The following NRG3 variants were observed in gnomAD, a reference collection of about 807,000 sequenced individuals.
NRG3 encodes pro-neuregulin-3, membrane-bound isoform.
In NRG3, 31 loss-of-function variants were observed where a neutral mutation model predicts 66.9. That is an observed-to-expected ratio of 0.46 (90% CI 0.35 to 0.63). NRG3 has a LOEUF of 0.63. NRG3 is among the 20% of genes least tolerant of loss of function. The probability of loss-of-function intolerance (pLI) is 0.00; values close to 1 mark genes in which losing one functional copy is unlikely to be tolerated. For missense variants in NRG3, 910 were observed against 878.9 expected, an observed-to-expected ratio of 1.04 and a Z score of -0.45; for synonymous variants, 393 against 359.4, an observed-to-expected ratio of 1.09 and a Z score of -1.06.
At chr10:82,580,607 G>A (rs763129195) in intron 2 of NRG3, among the ~76,000 whole-genome samples, 2 of 151,884 alleles carry the variant, frequency 1.3e-5, no homozygotes, top group South Asian at 2.1e-4. Context: ...TGTCTCTATA[G>A]TTTTGCCCTT....
chr10:82,496,048 G>T (rs75527669), intron 2 of NRG3, among the ~76,000 whole-genome samples: 2,074 of 152,260 alleles, frequency 0.014, 19 homozygotes, highest in Non-Finnish European at 0.021. Context: ...TATGAACTCA[G>T]ATATGGTCTC....
intron 1 of NRG3, among the ~76,000 whole-genome samples, chr10:81,936,963 G>A (rs1847937578): frequency 6.6e-6 from 1 of 152,134 alleles, no homozygotes; most frequent in Non-Finnish European, 1.5e-5. Flanking sequence ...TTGCAGAACT[G>A]AACCTCAGTT....
chr10:82,663,860 T>C (rs1046422643), intron 2 of NRG3, among the ~76,000 whole-genome samples: 21 of 152,202 alleles, frequency 1.4e-4, no homozygotes, highest in Non-Finnish European at 2.8e-4. Context: ...ATATCTGGAG[T>C]TTGAAAAACC....
intron 2 of NRG3, among the ~76,000 whole-genome samples, chr10:82,397,290 G>A (rs1022419556): frequency 6.6e-6 from 1 of 152,076 alleles, no homozygotes; most frequent in Non-Finnish European, 1.5e-5. Flanking sequence ...CCTCATGCCT[G>A]GTTTAGAATG....
intron 2 of NRG3, among the ~76,000 whole-genome samples, chr10:82,632,583 C>T (rs984203095): frequency 6.6e-6 from 1 of 152,030 alleles, no homozygotes; most frequent in Non-Finnish European, 1.5e-5. Context: ...TTCATTTTCT[C>T]CTGTGTGTTT....
intron 1 of NRG3, among the ~76,000 whole-genome samples, chr10:82,112,492 A>G (rs1035445762): frequency 6.6e-6 from 1 of 152,094 alleles, no homozygotes; most frequent in African/African-American, 2.4e-5. Flanking sequence ...GGTGTAGTTA[A>G]ACTCCACAGG....
At chr10:82,128,757 T>C (rs951608340) in intron 1 of NRG3, among the ~76,000 whole-genome samples, 6 of 151,818 alleles carry the variant, frequency 4.0e-5, no homozygotes, top group Admixed American at 2.0e-4. Flanking sequence ...CTGGGGTTTT[T>C]TTTGTTCACT....
intron 6 of NRG3, among the ~76,000 whole-genome samples, chr10:82,963,542 C>T (rs184236383): frequency 1.3e-5 from 2 of 152,032 alleles, no homozygotes; most frequent in Non-Finnish European, 2.9e-5. Flanking sequence ...TAGCCTGGCG[C>T]GGTGGCTGAC....
intron 4 of NRG3, among the ~76,000 whole-genome samples, chr10:82,933,079 C>T (rs924236395): frequency 2.6e-5 from 4 of 152,100 alleles, no homozygotes; most frequent in African/African-American, 7.2e-5. Flanking sequence ...CATATGGAAG[C>T]AGCAAATTTT....
intron 1 of NRG3, among the ~76,000 whole-genome samples, chr10:82,219,244 G>T (rs1260211875): frequency 1.4e-5 from 2 of 145,646 alleles, no homozygotes; most frequent in African/African-American, 5.2e-5. Context: ...GGCCGCCCTG[G>T]CATTGCAGCT....
intron 1 of NRG3, among the ~76,000 whole-genome samples, chr10:82,123,016 A>AAT (rs397768398): frequency 6.7e-6 from 1 of 149,904 alleles, no homozygotes; most frequent in Non-Finnish European, 1.5e-5. Flanking sequence ...AAAAAAAAAA[A>AAT]CACATAAGAA....
chr10:82,336,518 TC>T (rs1219688866), intron 1 of NRG3, among the ~76,000 whole-genome samples: 1 of 145,470 alleles, frequency 6.9e-6, no homozygotes, highest in Admixed American at 6.7e-5. Context: ...TTTCTTTCTT[TC>T]TTTTCTTTTC....
chr10:82,073,358 C>G (rs111807994), intron 1 of NRG3, among the ~76,000 whole-genome samples: 83 of 152,300 alleles, frequency 5.4e-4, no homozygotes, highest in African/African-American at 1.9e-3. Flanking sequence ...TGATGACACT[C>G]ATAGTCTGTC....
chr10:82,197,068 G>A (rs146496526), intron 1 of NRG3, among the ~76,000 whole-genome samples: 169 of 152,220 alleles, frequency 1.1e-3, no homozygotes, highest in African/African-American at 3.4e-3. Flanking sequence ...AATGCTGTCC[G>A]TCTTGAAAGC....
In NRG3 at chr10:82,973,839, T is replaced by G; in HGVS notation, c.1336T>G (p.Ser446Ala). 1 of 1,613,856 alleles carries G rather than the reference T, an allele frequency of 6.2e-7. No individual in the cohort carries two copies. The highest frequency in any genetic ancestry group is 8.5e-7 in the Non-Finnish European group (1 of 1,179,918). Residue 446 changes from serine to alanine, a missense_variant, in exon 7 of 9, where the codon TCA becomes GCA. Coordinates refer to ENST00000372141, the MANE Select transcript of NRG3 (RefSeq NM_001010848.4). ...PVTALEKMMESSFVGPQSFPE... is the reference protein window; with the variant it reads ...PVTALEKMMEASFVGPQSFPE... ...GACTGCATTGGAGAAAATGATGGAGTCAAGTTTTGTCGGCCCCCAGTCATT... is the reference window on the plus strand; with the variant it reads ...GACTGCATTGGAGAAAATGATGGAGGCAAGTTTTGTCGGCCCCCAGTCATT...
chr10:82,930,102 T>G (rs1847417969), intron 4 of NRG3, among the ~76,000 whole-genome samples: 1 of 152,150 alleles, frequency 6.6e-6, no homozygotes, highest in African/African-American at 2.4e-5. Context: ...AGTGTCACTT[T>G]GTGAACTTTT....
intron 1 of NRG3, among the ~76,000 whole-genome samples, chr10:82,278,570 G>A (rs1348445627): frequency 6.6e-6 from 1 of 152,082 alleles, no homozygotes; most frequent in Non-Finnish European, 1.5e-5. Flanking sequence ...AAACAGAATT[G>A]AAAAAAGCTG....
chr10:82,047,414 C>G (rs1211346420), intron 1 of NRG3, among the ~76,000 whole-genome samples: 2 of 152,092 alleles, frequency 1.3e-5, no homozygotes, highest in Non-Finnish European at 2.9e-5. Flanking sequence ...GGCAGAACCT[C>G]TACAAGCCAG....
chr10:82,306,425 C>T (rs1031508050), intron 1 of NRG3, among the ~76,000 whole-genome samples: 2 of 151,984 alleles, frequency 1.3e-5, no homozygotes, highest in Non-Finnish European at 2.9e-5. Context: ...AGAATTCGGC[C>T]GAGTGCGGTG....
Sources: gnomAD v4.1 joint callset for allele counts (sites outside exome capture counted in the v4.1 genomes callset) on GRCh38, gnomAD v4.1.1 for gene constraint, MANE v1.5 for transcripts, NCBI Gene and HGNC (gene_info 2026-07-23, HGNC 2026-07-21) for gene names.